HECTD2: variants seen among roughly 807,000 people sequenced by gnomAD.
The protein encoded by HECTD2 is probable E3 ubiquitin-protein ligase HECTD2.
Under a neutral mutation model 103.2 loss-of-function variants are expected in HECTD2, and 35 were observed. The ratio of observed to expected loss-of-function variants is 0.34; its 90% CI spans 0.26 to 0.45. The LOEUF (loss-of-function observed/expected upper bound fraction) is 0.45. HECTD2 is among the 20% of genes least tolerant of loss of function. HECTD2 has a pLI of 1.00. For missense variants in HECTD2, 596 were observed against 937.4 expected, an observed-to-expected ratio of 0.64 and a Z score of 4.76; for synonymous variants, 281 against 329.9, an observed-to-expected ratio of 0.85 and a Z score of 1.61.
chr10:91,513,916 G>A lies in HECTD2; in HGVS notation c.*1532G>A, dbSNP rs1188622776. The A allele has an allele frequency of 6.6e-6, 1 of 152,582 alleles. No individual in the cohort carries two copies. The highest frequency in any genetic ancestry group is 1.5e-5 in the Non-Finnish European group (1 of 68,032). 9.5% of individuals were successfully genotyped at this position (152,582 alleles called of 1,614,324 possible). A position where few individuals can be genotyped will look rare whatever the true frequency, so the allele number is the denominator to read the frequency against. ...GGTCACTTTGTTTACTATTCTCTTGGAGATGGAAGTGATTCTGCTCTTCCA... is the reference window on the plus strand; with the variant it reads ...GGTCACTTTGTTTACTATTCTCTTGAAGATGGAAGTGATTCTGCTCTTCCA... On this transcript the variant is annotated 3_prime_UTR_variant, in exon 21 of 21. Transcript: ENST00000298068.
chr10:91,479,252 G>T (rs1382191549), intron 6 of HECTD2, among the ~76,000 whole-genome samples: 1 of 152,006 alleles, frequency 6.6e-6, no homozygotes, highest in Non-Finnish European at 1.5e-5. Flanking sequence ...TCCTATTACT[G>T]GTTTTTTATA....
intron 11 of HECTD2, chr10:91,488,301 C>T (rs1426419065): frequency 6.5e-6 from 1 of 152,848 alleles, no homozygotes; most frequent in East Asian, 1.9e-4. Context: ...CATGGAGACC[C>T]AAAGAGGCTG....
At position 91,514,175 on chromosome 10, in the gene HECTD2, T is replaced by TAAAC. The variant is rs918948663; in HGVS notation, c.*1793_*1796dup. ...AGATTTAAGTGTTTTAAATAAAATG[T>TAAAC]AAACAGTTTTTATTTGGTAGAGATG... On this transcript the variant is annotated 3_prime_UTR_variant, in exon 21 of 21. Coordinates refer to ENST00000298068, the MANE Select transcript of HECTD2 (RefSeq NM_182765.6). The TAAAC allele has an allele frequency of 3.3e-5, 5 of 152,770 alleles. No homozygotes were observed. The highest frequency in any genetic ancestry group is 9.6e-5 in the African/African-American group (4 of 41,588). The allele number at this position is 152,770 out of a possible 1,614,324, so 9.5% of individuals were successfully genotyped here. A position where few individuals can be genotyped will look rare whatever the true frequency, so the allele number is the denominator to read the frequency against.
At chr10:91,423,352 A>C (rs1843428867) in intron 1 of HECTD2, among the ~76,000 whole-genome samples, 1 of 152,216 alleles carries the variant, frequency 6.6e-6, no homozygotes. Context: ...ATAATGTATT[A>C]AAGTAGGTAC....
intron 2 of HECTD2, among the ~76,000 whole-genome samples, chr10:91,458,305 G>A (rs1163729854): frequency 6.6e-6 from 1 of 151,954 alleles, no homozygotes; most frequent in African/African-American, 2.4e-5. Flanking sequence ...AAGGCATACT[G>A]TGTTCATGGA....
intron 6 of HECTD2, 25 bp downstream of exon 6, chr10:91,478,290 G>T: frequency 7.2e-7 from 1 of 1,396,274 alleles, no homozygotes; most frequent in Middle Eastern, 1.8e-4. Context: ...TCAATATTTA[G>T]CTAATCAGTA....
At chr10:91,481,944 G>A (rs926752850) in intron 7 of HECTD2, among the ~76,000 whole-genome samples, 1 of 151,716 alleles carries the variant, frequency 6.6e-6, no homozygotes. Context: ...AGTGAGGAAA[G>A]AGGAAAAAGT....
At chr10:91,466,384 T>A (rs1845533454) in intron 5 of HECTD2, among the ~76,000 whole-genome samples, 2 of 152,162 alleles carry the variant, frequency 1.3e-5, no homozygotes, top group Non-Finnish European at 2.9e-5. Context: ...TTGTGCTGAT[T>A]TTCCCTGTTC....
At chr10:91,431,333 T>G (rs1163047471) in intron 2 of HECTD2, among the ~76,000 whole-genome samples, 1 of 152,092 alleles carries the variant, frequency 6.6e-6, no homozygotes, top group East Asian at 1.9e-4. Context: ...CATTTCAAGT[T>G]TGGTGAATCT....
chr10:91,428,122 A>G (rs998573531), intron 2 of HECTD2, among the ~76,000 whole-genome samples: 1 of 150,820 alleles, frequency 6.6e-6, no homozygotes. Context: ...AGCACCATTT[A>G]TTAAATAGGG....
intron 5 of HECTD2, among the ~76,000 whole-genome samples, chr10:91,476,685 G>C: frequency 6.6e-6 from 1 of 152,200 alleles, no homozygotes; most frequent in Non-Finnish European, 1.5e-5. Context: ...CCTGTTGCTG[G>C]CTTCTTTCTC....
intron 1 of HECTD2, among the ~76,000 whole-genome samples, chr10:91,424,025 A>ATTTCAAACTAT (rs1023140003): frequency 6.6e-6 from 1 of 152,100 alleles, no homozygotes; most frequent in African/African-American, 2.4e-5. Context: ...GAAAACTATT[A>ATTTCAAACTAT]AGGTTTATTA....
At chr10:91,444,964 G>T (rs1844536763) in intron 2 of HECTD2, among the ~76,000 whole-genome samples, 1 of 152,120 alleles carries the variant, frequency 6.6e-6, no homozygotes, top group Non-Finnish European at 1.5e-5. Context: ...TTAGCTGGTT[G>T]CTTAGAAACA....
intron 8 of HECTD2, chr10:91,484,200 C>G: frequency 1.7e-6 from 1 of 594,602 alleles, no homozygotes; most frequent in South Asian, 2.2e-5. Flanking sequence ...TGGGGATTAA[C>G]AATTAAATTT....
At chr10:91,424,306 A>C (rs1419095380) in intron 1 of HECTD2, among the ~76,000 whole-genome samples, 2 of 152,194 alleles carry the variant, frequency 1.3e-5, no homozygotes, top group Non-Finnish European at 2.9e-5. Context: ...TTTAGTGAGC[A>C]TAAATGCTTC....
At chr10:91,409,732 G>C (rs1036906866), upstream of HECTD2, among the ~76,000 whole-genome samples, 1 of 152,144 alleles carries the variant, frequency 6.6e-6, no homozygotes, top group Non-Finnish European at 1.5e-5. Context: ...CTGTCTCCCC[G>C]GGCTGCGCAA....
chr10:91,484,166 AC>A (rs1846188174), intron 8 of HECTD2: 1 of 559,170 alleles, frequency 1.8e-6, no homozygotes, highest in Admixed American at 3.6e-5. Flanking sequence ...TCCCCAAATG[AC>A]CATGAAAACA....
rs944347353 is a variant in HECTD2 at position 91,513,735 on chromosome 10, T to C, written c.*1351T>C. The C allele has an allele frequency of 6.6e-6, 1 of 152,660 alleles. No individual in the cohort carries two copies. Among genetic ancestry groups the C allele is most frequent in the African/African-American group, 2.4e-5 (1 of 41,464 alleles). 9.5% of individuals were successfully genotyped at this position (152,660 alleles called of 1,614,324 possible). On this transcript the variant is annotated 3_prime_UTR_variant, in exon 21 of 21. Transcript: ENST00000298068. ...GCATTTAGTACCAGCATATGGTTCATATGCAAATAATACTTTCCCCAAAAT... is the reference window on the plus strand; with the variant it reads ...GCATTTAGTACCAGCATATGGTTCACATGCAAATAATACTTTCCCCAAAAT...
At chr10:91,440,688 C>T (rs1485520066) in intron 2 of HECTD2, among the ~76,000 whole-genome samples, 2 of 99,872 alleles carry the variant, frequency 2.0e-5, no homozygotes, top group African/African-American at 8.1e-5. Context: ...TAGAATTCAC[C>T]TGTCAATCTG....
Sources: allele counts gnomAD v4.1 joint callset (sites outside exome capture counted in the v4.1 genomes callset), GRCh38; gene constraint gnomAD v4.1.1; transcripts MANE v1.5; gene names NCBI Gene and HGNC (gene_info 2026-07-23, HGNC 2026-07-21).